Variants in KIAA1217 observed in about 807,000 individuals in gnomAD.
KIAA1217 encodes the protein KIAA1217.
A neutral mutation model predicts 163.9 loss-of-function variants in KIAA1217; 88 were observed. That is an observed-to-expected ratio of 0.54 (90% confidence interval 0.45 to 0.64). The LOEUF (loss-of-function observed/expected upper bound fraction) is 0.64. Ranked by LOEUF, KIAA1217 falls within the 30% of genes least tolerant of loss-of-function variation. The probability of loss-of-function intolerance (pLI) is 0.00; values close to 1 mark genes in which losing one functional copy is unlikely to be tolerated. For synonymous variants in KIAA1217, 903 were observed against 923.1 expected (o/e 0.98, Z 0.39); for missense variants, 2,372 against 2,475.0 (o/e 0.96, Z 0.88).
chr10:24,293,676 C>T (rs1260828737), intron 2 of KIAA1217, among the ~76,000 whole-genome samples: 2 of 152,246 alleles, frequency 1.3e-5, no homozygotes, highest in Non-Finnish European at 2.9e-5. Flanking sequence ...GCTTCAGCAT[C>T]TGAAGCCCCT....
At chr10:24,364,271 A>G (rs1335977400) in intron 2 of KIAA1217, among the ~76,000 whole-genome samples, 2 of 152,068 alleles carry the variant, frequency 1.3e-5, no homozygotes, top group African/African-American at 4.8e-5. Context: ...GAGCCACCGC[A>G]CCCAGCCACC....
At chr10:23,734,076 T>C (rs1180468120) in intron 1 of KIAA1217, among the ~76,000 whole-genome samples, 2 of 152,108 alleles carry the variant, frequency 1.3e-5, no homozygotes, top group African/African-American at 4.8e-5. Context: ...AAAATAATTC[T>C]TTATTATTAT....
intron 2 of KIAA1217, among the ~76,000 whole-genome samples, chr10:24,020,869 C>A (rs1295493019): frequency 6.6e-6 from 1 of 151,866 alleles, no homozygotes; most frequent in East Asian, 1.9e-4. Context: ...AAACAACAAC[C>A]TTGGGGGAAA....
At chr10:24,097,777 T>C (rs2131705757) in intron 2 of KIAA1217, among the ~76,000 whole-genome samples, 1 of 152,290 alleles carries the variant, frequency 6.6e-6, no homozygotes, top group Non-Finnish European at 1.5e-5. Flanking sequence ...ATCAGGACCA[T>C]CTGCAAGGAA....
chr10:24,002,163 C>A (rs1033883889), intron 1 of KIAA1217, among the ~76,000 whole-genome samples: 2 of 152,136 alleles, frequency 1.3e-5, no homozygotes, highest in Non-Finnish European at 2.9e-5. Flanking sequence ...TGAAGAGCCA[C>A]GGAAGGAGGG....
At chr10:23,918,733 T>TATATAC (rs769797460) in intron 1 of KIAA1217, among the ~76,000 whole-genome samples, 2,448 of 147,554 alleles carry the variant, frequency 0.017, 31 homozygotes, top group African/African-American at 0.029. Context: ...ATTAAATATA[T>TATATAC]ACACACACAC....
chr10:24,326,897 A>G (rs1564477124), intron 2 of KIAA1217, among the ~76,000 whole-genome samples: 3 of 152,198 alleles, frequency 2.0e-5, no homozygotes, highest in African/African-American at 7.2e-5. Flanking sequence ...ATGATTTGTA[A>G]ATGATGCTTA....
intron 2 of KIAA1217, among the ~76,000 whole-genome samples, chr10:24,012,344 T>G (rs959983192): frequency 2.0e-5 from 3 of 152,102 alleles, no homozygotes; most frequent in African/African-American, 4.8e-5. Context: ...GAAGCCCAGG[T>G]TATTCTTACA....
chr10:24,386,448 T>C (rs901784495), intron 3 of KIAA1217, among the ~76,000 whole-genome samples: 35 of 152,190 alleles, frequency 2.3e-4, no homozygotes, highest in African/African-American at 8.2e-4. Context: ...GGCAAAGGAA[T>C]TGATGAATTG....
At chr10:24,363,562 T>TTA (rs1158389006) in intron 2 of KIAA1217, among the ~76,000 whole-genome samples, 1 of 20,288 alleles carries the variant, frequency 4.9e-5, no homozygotes, top group East Asian at 6.2e-4. Context: ...GTGGGTTTTG[T>TTA]TTTTGTTTTT....
chr10:23,818,351 A>AT (rs1554802292), intron 1 of KIAA1217, among the ~76,000 whole-genome samples: 5,447 of 134,778 alleles, frequency 0.04, 317 homozygotes, highest in African/African-American at 0.12. Context: ...TATATAAAAA[A>AT]ATATATATAT....
At chr10:24,449,272 T>A (rs558454275) in intron 5 of KIAA1217, among the ~76,000 whole-genome samples, 1 of 152,322 alleles carries the variant, frequency 6.6e-6, no homozygotes, top group Non-Finnish European at 1.5e-5. Context: ...AACTTCCAAG[T>A]GATACAAATC....
intron 2 of KIAA1217, among the ~76,000 whole-genome samples, chr10:24,311,645 C>G (rs1335172809): frequency 2.0e-5 from 3 of 152,190 alleles, no homozygotes; most frequent in Non-Finnish European, 4.4e-5. Flanking sequence ...ACCCTGAGGA[C>G]TGCTCCCATG....
intron 3 of KIAA1217, among the ~76,000 whole-genome samples, chr10:24,418,541 A>G (rs926872367): frequency 6.6e-6 from 1 of 152,240 alleles, no homozygotes; most frequent in Non-Finnish European, 1.5e-5. Flanking sequence ...AAAACTTTCT[A>G]AAGATATATT....
intron 2 of KIAA1217, among the ~76,000 whole-genome samples, chr10:24,154,494 A>G (rs115686771): frequency 9.2e-5 from 14 of 152,292 alleles, no homozygotes; most frequent in African/African-American, 3.4e-4. Context: ...TGGAAGGATT[A>G]AATAAGATAA....
chr10:24,350,094 C>T (rs2048274859), intron 2 of KIAA1217, among the ~76,000 whole-genome samples: 1 of 152,156 alleles, frequency 6.6e-6, no homozygotes, highest in African/African-American at 2.4e-5. Context: ...TTGTTTTGCC[C>T]CCGTCCCCCA....
intron 2 of KIAA1217, among the ~76,000 whole-genome samples, chr10:24,350,408 C>T (rs1358894777): frequency 6.6e-6 from 1 of 152,070 alleles, no homozygotes; most frequent in African/African-American, 2.4e-5. Context: ...GGCATGACTT[C>T]GATTGTGTGT....
intron 1 of KIAA1217, among the ~76,000 whole-genome samples, chr10:23,861,386 G>A (rs1839943216): frequency 6.6e-6 from 1 of 152,202 alleles, no homozygotes; most frequent in East Asian, 1.9e-4. Flanking sequence ...TAAGCAGTGA[G>A]ATAGGCAGAA....
chr10:24,339,438 C>G (rs914564098), intron 2 of KIAA1217, among the ~76,000 whole-genome samples: 1 of 152,164 alleles, frequency 6.6e-6, no homozygotes, highest in Non-Finnish European at 1.5e-5. Context: ...AAAGAATTTA[C>G]TTTCTTAGTA....
Sources: allele counts gnomAD v4.1 joint callset (sites outside exome capture counted in the v4.1 genomes callset), GRCh38; gene constraint gnomAD v4.1.1; transcripts MANE v1.5; gene names NCBI Gene and HGNC (gene_info 2026-07-23, HGNC 2026-07-21).